The following ERO1B variants were observed in gnomAD, a reference collection of about 807,000 sequenced individuals.
ERO1B encodes ERO1-like protein beta.
A neutral mutation model predicts 75.3 loss-of-function variants in ERO1B; 49 were observed. The ratio of observed to expected loss-of-function variants is 0.65; its 90% CI spans 0.52 to 0.83. The LOEUF is 0.83. Among genes scored for constraint, ERO1B ranks in the 40% least tolerant of loss-of-function variants. ERO1B has a pLI of 0.00. For synonymous variants in ERO1B, 191 were observed against 192.9 expected, an observed-to-expected ratio of 0.99 and a Z score of 0.08; for missense variants, 512 against 560.1, an observed-to-expected ratio of 0.91 and a Z score of 0.87.
At chr1:236,249,456 C>G (rs1461480460) in intron 5 of ERO1B, among the ~76,000 whole-genome samples, 2 of 152,070 alleles carry the variant, frequency 1.3e-5, no homozygotes, top group African/African-American at 4.8e-5. Context: ...ATGCTGGTTT[C>G]TGTGTAGAAC....
intron 9 of ERO1B, among the ~76,000 whole-genome samples, 192 bp downstream of exon 9, chr1:236,232,636 C>CTT (rs3835673): frequency 0.064 from 9,327 of 145,588 alleles, 633 homozygotes; most frequent in East Asian, 0.39. Flanking sequence ...GAAAAATGGT[C>CTT]TTTTTTTTTT....
chr1:236,274,389 CAT>C (rs1196064862), intron 1 of ERO1B, among the ~76,000 whole-genome samples: 1 of 152,114 alleles, frequency 6.6e-6, no homozygotes, highest in Non-Finnish European at 1.5e-5. Context: ...GTACAATGTT[CAT>C]ATGTTTTATG....
At chr1:236,223,664 C>T in intron 13 of ERO1B, among the ~76,000 whole-genome samples, 1 of 152,154 alleles carries the variant, frequency 6.6e-6, no homozygotes, top group South Asian at 2.1e-4. Context: ...TGCTGTGAGA[C>T]ACTTAGGCTT....
intron 2 of ERO1B, among the ~76,000 whole-genome samples, chr1:236,260,709 C>T (rs1665274667): frequency 6.6e-6 from 1 of 151,210 alleles, no homozygotes; most frequent in South Asian, 2.1e-4. Flanking sequence ...CATGGCTTCA[C>T]CGCTGAGTTC....
At chr1:236,277,197 A>G (rs1207591895) in intron 1 of ERO1B, among the ~76,000 whole-genome samples, 1 of 152,198 alleles carries the variant, frequency 6.6e-6, no homozygotes, top group African/African-American at 2.4e-5. Context: ...TGAGGTCAGG[A>G]ATTTGAGACC....
chr1:236,230,611 CAAAAAAAAA>C (rs397983348), intron 9 of ERO1B, among the ~76,000 whole-genome samples: 1,652 of 58,612 alleles, frequency 0.028, 22 homozygotes, highest in African/African-American at 0.094. Flanking sequence ...GACCCTGTCT[CAAAAAAAAA>C]AAAAAAAAAA....
intron 3 of ERO1B, 141 bp from the exon 4 acceptor site, chr1:236,252,232 G>A: frequency 1.6e-6 from 1 of 615,088 alleles, no homozygotes; most frequent in Non-Finnish European, 2.9e-6. Context: ...CTCAAATTGT[G>A]TTTTCACACT....
At chr1:236,221,375 T>C (rs1297540876) in intron 14 of ERO1B, among the ~76,000 whole-genome samples, 1 of 152,206 alleles carries the variant, frequency 6.6e-6, no homozygotes, top group Non-Finnish European at 1.5e-5. Context: ...AGACATTTTA[T>C]TTCAGTATAG....
chr1:236,258,585 T>G (rs1033694129), intron 2 of ERO1B, among the ~76,000 whole-genome samples: 1 of 152,066 alleles, frequency 6.6e-6, no homozygotes, highest in Non-Finnish European at 1.5e-5. Context: ...CAACTAGCAA[T>G]ATTAAAAACA....
In ERO1B at chr1:236,279,008, A is replaced by G. The variant is rs771115313; in HGVS notation, c.102+2674T>C. Reference sequence around the variant, plus strand: ...CTGAATTCCACTTTTTGATTTTCCTATTTTCCATCTCTTTTTCTATACTAG... The same window carrying G: ...CTGAATTCCACTTTTTGATTTTCCTGTTTTCCATCTCTTTTTCTATACTAG... On this transcript the variant is annotated intron_variant, in intron 1 of 15. Coordinates refer to ENST00000354619, the MANE Select transcript of ERO1B (RefSeq NM_019891.4). Among the ~76,000 whole-genome samples the G allele has an allele frequency of 8.5e-5, 13 of 152,272 alleles. No individual in the cohort carries two copies. The Middle Eastern group carries it at 0.01, about 120-fold the overall frequency.
At chr1:236,277,310 A>G (rs1665730215) in intron 1 of ERO1B, among the ~76,000 whole-genome samples, 1 of 152,070 alleles carries the variant, frequency 6.6e-6, no homozygotes, top group Non-Finnish European at 1.5e-5. Context: ...AGGCTGAGGC[A>G]TAAGAATTGC....
intron 2 of ERO1B, among the ~76,000 whole-genome samples, chr1:236,258,467 A>G (rs1412191068): frequency 1.3e-5 from 2 of 152,222 alleles, no homozygotes; most frequent in Admixed American, 6.5e-5. Flanking sequence ...TCAAAAATAA[A>G]AGGGGAAATA....
At chr1:236,225,004 T>A in intron 13 of ERO1B, 66 bp downstream of exon 13, 3 of 1,391,416 alleles carry the variant, frequency 2.2e-6, no homozygotes, top group Non-Finnish European at 3.1e-6. Flanking sequence ...ACAGTTTGGA[T>A]GCACAGCATT....
intron 2 of ERO1B, among the ~76,000 whole-genome samples, chr1:236,268,588 A>G (rs774366917): frequency 2.0e-5 from 3 of 152,190 alleles, no homozygotes; most frequent in Non-Finnish European, 2.9e-5. Context: ...CCCTGTCTCT[A>G]AAAAAAGCAA....
chr1:236,274,025 C>G (rs1017128434), intron 1 of ERO1B, among the ~76,000 whole-genome samples: 1 of 148,066 alleles, frequency 6.8e-6, no homozygotes, highest in Non-Finnish European at 1.5e-5. Flanking sequence ...ACTCTGTCAC[C>G]CAAGCAAGAG....
intron 12 of ERO1B, among the ~76,000 whole-genome samples, chr1:236,225,857 C>A (rs1664264848): frequency 6.6e-6 from 1 of 152,126 alleles, no homozygotes; most frequent in African/African-American, 2.4e-5. Context: ...ATTGCTTGAA[C>A]CTGGGAGGCA....
At chr1:236,238,006 G>T (rs1664585331) in intron 6 of ERO1B, among the ~76,000 whole-genome samples, 1 of 151,996 alleles carries the variant, frequency 6.6e-6, no homozygotes, top group Non-Finnish European at 1.5e-5. Context: ...TGCCTGGTTG[G>T]TTTTTTGTAT....
intron 5 of ERO1B, 77 bp downstream of exon 5, chr1:236,249,808 G>T: frequency 8.6e-7 from 1 of 1,158,212 alleles, no homozygotes; most frequent in Non-Finnish European, 1.2e-6. Context: ...GTTCGAAAAT[G>T]TTTTACCAAA....
chr1:236,281,494 C>A (rs1665828002), intron 1 of ERO1B, 188 bp downstream of exon 1: 1 of 400,210 alleles, frequency 2.5e-6, no homozygotes, highest in Non-Finnish European at 4.4e-6. Context: ...CCCCACCCTG[C>A]GGGCGGTTCG....
Sources: allele counts gnomAD v4.1 joint callset (sites outside exome capture counted in the v4.1 genomes callset), GRCh38; gene constraint gnomAD v4.1.1; transcripts MANE v1.5; gene names NCBI Gene and HGNC (gene_info 2026-07-23, HGNC 2026-07-21).